Variants in CLUL1 observed in about 807,000 individuals in gnomAD.
CLUL1 encodes clusterin-like protein 1.
CLUL1 carries 43 observed loss-of-function variants against 49.4 expected under a neutral mutation model. The observed-to-expected ratio is 0.87, with a 90% confidence interval of 0.68 to 1.12. The LOEUF (loss-of-function observed/expected upper bound fraction) is 1.12, where lower values mean the gene tolerates loss of function less well. CLUL1 is among the 50% of genes most tolerant of loss of function. CLUL1 has a pLI of 0.00. For synonymous variants in CLUL1, 192 were observed against 184.9 expected (o/e 1.04, Z -0.31); for missense variants, 486 against 544.4 (o/e 0.89, Z 1.07).
At chr18:641,616 A>T in intron 8 of CLUL1, 75 bp downstream of exon 8, 1 of 1,259,226 alleles carries the variant, frequency 7.9e-7, no homozygotes, top group Non-Finnish European at 1.1e-6. Context: ...TTACTTATGA[A>T]TTGTGTCTGA....
At chr18:632,121 T>C (rs1276910078) in intron 6 of CLUL1, among the ~76,000 whole-genome samples, 1 of 152,208 alleles carries the variant, frequency 6.6e-6, no homozygotes, top group Non-Finnish European at 1.5e-5. Context: ...AATACATGTT[T>C]CCTAATGTCA....
chr18:619,327 T>G lies in CLUL1; in HGVS notation c.221T>G (p.Met74Arg), dbSNP rs1216275214. The G allele has an allele frequency of 7.4e-6, 12 of 1,613,620 alleles. No homozygotes were observed. Among genetic ancestry groups the G allele is most frequent in the Non-Finnish European group, 9.3e-6 (11 of 1,179,806 alleles). ...ERKEKEHTNL[M>R]STLKKCREEK... ...AAAGAGAAGGAACACACCAATCTAA[T>G]GAGCACCCTGAAGAAATGCAGAGAA... The change falls in exon 4 of 10, where the codon ATG becomes AGG. Residue 74 changes from methionine (M) to arginine (R), a missense_variant. Coordinates refer to ENST00000692774, the MANE Select transcript of CLUL1 (RefSeq NM_001393344.1).
At chr18:627,846 C>T (rs554730997) in intron 6 of CLUL1, among the ~76,000 whole-genome samples, 18 of 151,630 alleles carry the variant, frequency 1.2e-4, no homozygotes, top group Non-Finnish European at 2.2e-4. Flanking sequence ...TATTTTGTGA[C>T]GGAGTCTCAC....
intron 2 of CLUL1, among the ~76,000 whole-genome samples, chr18:610,067 C>G (rs187264894): frequency 7.2e-6 from 1 of 139,538 alleles, no homozygotes; most frequent in South Asian, 2.2e-4. Flanking sequence ...AGGGATAGAA[C>G]GATTCATTCC....
chr18:619,150 G>T, intron 3 of CLUL1, 63 bp from the exon 4 acceptor site: 1 of 1,472,314 alleles, frequency 6.8e-7, no homozygotes, highest in Non-Finnish European at 9.3e-7. Flanking sequence ...ATGAAAGGTT[G>T]GTGAACTTGG....
rs869103727 is a variant in CLUL1 at position 645,792 on chromosome 18, T to TAAAAAAA, written c.1397+708_1397+714dup. On this transcript the variant is annotated intron_variant, in intron 9 of 9. Transcript: ENST00000692774. Reference sequence around the variant, plus strand: ...CTGGGCGACAGAGCGAGACTCTGTTTAAAAAAAAAAAAAAAAAAATATATA... The same window carrying TAAAAAAA: ...CTGGGCGACAGAGCGAGACTCTGTTTAAAAAAAAAAAAAAAAAAAAAAAAAATATATA... Among the ~76,000 whole-genome samples the TAAAAAAA allele has an allele frequency of 4.0e-3, 65 of 16,082 alleles. 18 individuals are homozygous for TAAAAAAA. The highest frequency in any genetic ancestry group is 0.016 in the East Asian group (4 of 250). 10.6% of individuals were successfully genotyped at this position (16,082 alleles called of 152,430 possible).
intron 2 of CLUL1, among the ~76,000 whole-genome samples, chr18:608,709 C>T (rs2073050200): frequency 6.6e-6 from 1 of 151,038 alleles, no homozygotes; most frequent in African/African-American, 2.4e-5. Flanking sequence ...CAGAGTGAGA[C>T]TCTGTCTCTA....
At chr18:601,103 C>A (rs1439791837) in intron 1 of CLUL1, among the ~76,000 whole-genome samples, 3 of 152,132 alleles carry the variant, frequency 2.0e-5, no homozygotes, top group Non-Finnish European at 4.4e-5. Flanking sequence ...AGTCAAGAAG[C>A]TTTTATTAAT....
At chr18:627,718 C>G in intron 6 of CLUL1, 189 bp downstream of exon 6, 1 of 482,040 alleles carries the variant, frequency 2.1e-6, no homozygotes. Context: ...CTTCCATCAT[C>G]GTTGAGAACT....
Position 633,354 on chromosome 18 carries a change from T to C in CLUL1, c.913T>C (p.Cys305Arg). The change falls in exon 7 of 10, where the codon TGT (cysteine) becomes CGT (arginine). Residue 305 changes from cysteine (C) to arginine (R), a missense_variant. Coordinates refer to ENST00000692774, the MANE Select transcript of CLUL1 (RefSeq NM_001393344.1). ...GTTACCTGGGCAGGACAGAGGACTG[T>C]GTGGGGAACTTGACCAGAATTTGTC... ...KMLPGQDRGL[C>R]GELDQNLSRC... 1 of 1,613,822 alleles carries C rather than the reference T, an allele frequency of 6.2e-7. No individual in the cohort carries two copies. Among genetic ancestry groups the C allele is most frequent in the Non-Finnish European group, 8.5e-7 (1 of 1,179,716 alleles).
Position 627,153 on chromosome 18 carries a change from T to G in CLUL1, c.480T>G (p.Asn160Lys), listed in dbSNP as rs1307849565. Residue 160 changes from asparagine (N) to lysine (K), a missense_variant, in exon 6 of 10, where the codon AAT (asparagine) becomes AAG (lysine). Coordinates refer to ENST00000692774, the MANE Select transcript of CLUL1 (RefSeq NM_001393344.1). ...TTCTATTTCCTTTCCATGAAGATAA[T>G]GAAAAAGATCTCCCCATCAGTGAAA... The part of the protein sequence containing the change: ...YQFLFPFHED[N>K]EKDLPISEKL... 1 of 1,612,992 alleles carries G rather than the reference T, an allele frequency of 6.2e-7. No individual in the cohort carries two copies.
chr18:641,217 C>T, intron 7 of CLUL1, 110 bp from the exon 8 acceptor site: 1 of 821,842 alleles, frequency 1.2e-6, no homozygotes, highest in Non-Finnish European at 1.9e-6. Context: ...AAAACTACCA[C>T]AGGCAAAAGG....
At chr18:647,330 G>A (rs768890373) in intron 9 of CLUL1, among the ~76,000 whole-genome samples, 1 of 152,124 alleles carries the variant, frequency 6.6e-6, no homozygotes, top group African/African-American at 2.4e-5. Flanking sequence ...GTTTCCCTGT[G>A]CCAGGGTACC....
At chr18:625,107 G>A in intron 5 of CLUL1, 75 bp downstream of exon 5, 2 of 1,441,674 alleles carry the variant, frequency 1.4e-6, no homozygotes, top group Non-Finnish European at 1.9e-6. Flanking sequence ...ATTAATTTAT[G>A]TTAATATTTA....
In CLUL1 at chr18:612,984, A is replaced by T. The variant is rs1044317591; in HGVS notation, c.-13-5004A>T. On this transcript the variant is annotated intron_variant, in intron 2 of 9. Coordinates refer to ENST00000692774, the MANE Select transcript of CLUL1 (RefSeq NM_001393344.1). ...CAATAATTAAATTTGTGTAGTGCTG[A>T]TCTAAACAGATAAATTCTGGCTTCA... The T allele has an allele frequency of 3.3e-5, 9 of 271,570 alleles. No homozygotes were observed. The East Asian group carries it at 5.4e-4, about 16-fold the overall frequency. 16.8% of individuals were successfully genotyped at this position (271,570 alleles called of 1,614,324 possible).
At chr18:609,385 T>C (rs1262666394) in intron 2 of CLUL1, among the ~76,000 whole-genome samples, 2 of 152,216 alleles carry the variant, frequency 1.3e-5, no homozygotes, top group Admixed American at 1.3e-4. Flanking sequence ...TCAGAAAAGC[T>C]ATTTTGCAGC....
chr18:634,364 C>T (rs935689276), intron 7 of CLUL1, among the ~76,000 whole-genome samples: 1 of 152,098 alleles, frequency 6.6e-6, no homozygotes. Flanking sequence ...GAACTCCTGA[C>T]CTTGTGATCC....
chr18:600,684 G>A (rs1023548450), intron 1 of CLUL1, among the ~76,000 whole-genome samples: 14 of 152,200 alleles, frequency 9.2e-5, no homozygotes, highest in African/African-American at 3.4e-4. Flanking sequence ...AAGGACTGGG[G>A]TTAATAGAAT....
intron 2 of CLUL1, among the ~76,000 whole-genome samples, chr18:611,417 G>T (rs188984541): frequency 4.1e-4 from 62 of 152,012 alleles, no homozygotes; most frequent in Middle Eastern, 3.4e-3. Flanking sequence ...GATTAGGAGG[G>T]CTCAGGCATG....
Sources: allele counts gnomAD v4.1 joint callset (sites outside exome capture counted in the v4.1 genomes callset), GRCh38; gene constraint gnomAD v4.1.1; transcripts MANE v1.5; gene names NCBI Gene and HGNC (gene_info 2026-07-23, HGNC 2026-07-21).